The following SLC26A3 variants were observed in gnomAD, a reference collection of about 807,000 sequenced individuals.
The protein encoded by SLC26A3 is solute carrier family 26 member 3.
SLC26A3 carries 64 observed loss-of-function variants against 85.6 expected under a neutral mutation model. The ratio of observed to expected loss-of-function variants is 0.75; its 90% confidence interval spans 0.61 to 0.92. The LOEUF (loss-of-function observed/expected upper bound fraction) is 0.92. Ranked by LOEUF, SLC26A3 falls within the 40% of genes least tolerant of loss-of-function variation. SLC26A3 has a pLI of 0.00. For missense variants in SLC26A3, 922 were observed against 927.3 expected (o/e 0.99, Z 0.07); for synonymous variants, 349 against 336.0 (o/e 1.04, Z -0.42).
rs769061492 is a variant in SLC26A3 at position 107,789,533 on chromosome 7, T to C, written c.726A>G (p.Ser242=). ...LTVPSHTDPV[S]IFKVLYSVFS... ...TGAAAGAAATACTTACTTTGAAAAT[T>C]GAAACTGGATCAGTGTGTGACGGGA... is the stretch of plus-strand genomic sequence containing the variant. The change falls in exon 6 of 21, where the codon TCA becomes TCG. Residue 242 remains serine, a synonymous_variant. Coordinates refer to ENST00000340010, the MANE Select transcript of SLC26A3 (RefSeq NM_000111.3). 6.2e-7 allele frequency: 1 copy of C among 1,614,016 alleles called. No individual in the cohort carries two copies. The highest frequency in any genetic ancestry group is 8.5e-7 in the Non-Finnish European group (1 of 1,179,960).
intron 20 of SLC26A3, 91 bp downstream of exon 20, chr7:107,767,486 CTT>C (rs1793933837): frequency 1.1e-6 from 1 of 926,884 alleles, no homozygotes. Context: ...AAGTGCTGGA[CTT>C]TCTGCCACAT....
At chr7:107,794,643 T>C (rs1311011486) in intron 1 of SLC26A3, 46 bp from the exon 2 acceptor site, 6 of 946,468 alleles carry the variant, frequency 6.3e-6, no homozygotes, top group Non-Finnish European at 1.0e-5. Flanking sequence ...AGAGATAATG[T>C]GATGCAATTT....
chr7:107,802,538 C>A (rs1343377244), intron 1 of SLC26A3, among the ~76,000 whole-genome samples: 1 of 151,908 alleles, frequency 6.6e-6, no homozygotes. Flanking sequence ...CCTACCCCCT[C>A]CCTTTTTTTT....
chr7:107,776,173 A>T (rs1278658713), intron 15 of SLC26A3: 2 of 461,400 alleles, frequency 4.3e-6, no homozygotes, highest in Non-Finnish European at 3.9e-6. Context: ...AAAAGCTAGC[A>T]GCCCAAAACT....
At chr7:107,777,116 A>G (rs1194999509) in intron 13 of SLC26A3, among the ~76,000 whole-genome samples, 2 of 152,232 alleles carry the variant, frequency 1.3e-5, no homozygotes, top group Non-Finnish European at 2.9e-5. Flanking sequence ...AATGAAATAT[A>G]AATAAATGAA....
chr7:107,778,359 A>AATTTTT, intron 12 of SLC26A3, 78 bp from the exon 13 acceptor site: 104 of 452,918 alleles, frequency 2.3e-4, no homozygotes, highest in Non-Finnish European at 3.1e-4. Context: ...TTTTAAAAAG[A>AATTTTT]CTTTTTTTTT....
intron 9 of SLC26A3, 49 bp from the exon 10 acceptor site, chr7:107,783,142 A>G: frequency 6.2e-7 from 1 of 1,613,412 alleles, no homozygotes; most frequent in Non-Finnish European, 8.5e-7. Context: ...CACCATTGAT[A>G]TTATGTGTGC....
intron 16 of SLC26A3, among the ~76,000 whole-genome samples, chr7:107,774,411 G>C (rs549277667): frequency 6.6e-6 from 1 of 152,182 alleles, no homozygotes; most frequent in African/African-American, 2.4e-5. Flanking sequence ...AGTTAGCCAG[G>C]CATGGTGGCA....
At chr7:107,799,412 C>A (rs1194077803) in intron 1 of SLC26A3, among the ~76,000 whole-genome samples, 2 of 152,068 alleles carry the variant, frequency 1.3e-5, no homozygotes, top group Non-Finnish European at 2.9e-5. Context: ...GAGACAGAGT[C>A]TTGCTCTGTC....
intron 1 of SLC26A3, among the ~76,000 whole-genome samples, chr7:107,799,630 G>A (rs1394598661): frequency 6.6e-6 from 1 of 152,144 alleles, no homozygotes; most frequent in Non-Finnish European, 1.5e-5. Flanking sequence ...GGCCTCAAGT[G>A]GTCTGCCTGC....
intron 6 of SLC26A3, among the ~76,000 whole-genome samples, chr7:107,788,428 A>G (rs1220469707): frequency 6.6e-6 from 1 of 152,188 alleles, no homozygotes; most frequent in Non-Finnish European, 1.5e-5. Context: ...ATAGTGGTAA[A>G]TGTTCTTTTG....
At chr7:107,800,159 T>A (rs1358656289) in intron 1 of SLC26A3, among the ~76,000 whole-genome samples, 5 of 152,226 alleles carry the variant, frequency 3.3e-5, no homozygotes, top group Admixed American at 6.5e-5. Context: ...TCCTTTGTGT[T>A]CTTCTTCTCC....
At chr7:107,797,083 A>G (rs1452678129) in intron 1 of SLC26A3, among the ~76,000 whole-genome samples, 1 of 152,036 alleles carries the variant, frequency 6.6e-6, no homozygotes, top group East Asian at 1.9e-4. Flanking sequence ...GGGCTTTCTT[A>G]TACCTCCAGC....
In SLC26A3 at chr7:107,767,814, A is replaced by T. The variant is rs773406211; in HGVS notation, c.2157T>A (p.His719Gln). The T allele has an allele frequency of 6.2e-7, 1 of 1,613,876 alleles. No individual in the cohort carries two copies. Among genetic ancestry groups the T allele is most frequent in the African/African-American group, 1.3e-5 (1 of 75,040 alleles). ...FFLTIHDAVL[H>Q]ILMKKDYSTS... ...TACTGTAATCTTTCTTCATCAAAATATGCAAAACAGCATCATGGATTGTTA... is the reference window on the plus strand; with the variant it reads ...TACTGTAATCTTTCTTCATCAAAATTTGCAAAACAGCATCATGGATTGTTA... Residue 719 changes from histidine to glutamine, a missense_variant, in exon 19 of 21, where the codon CAT (histidine) becomes CAA (glutamine). Physicochemically the swap from His to Gln is conservative, Grantham distance 24 (BLOSUM62 0). Coordinates refer to ENST00000340010, the MANE Select transcript of SLC26A3 (RefSeq NM_000111.3).
At chr7:107,800,722 TCCAAAGTTTACATACACAGGAGAAGTGC>T (rs1347294065) in intron 1 of SLC26A3, among the ~76,000 whole-genome samples, 1 of 124,354 alleles carries the variant, frequency 8.0e-6, no homozygotes, top group African/African-American at 3.3e-5. Flanking sequence ...AGACCTAAAC[TCCAAAGTTTACATACACAGGAGAAGTGC>T]CCAAAATAAT....
chr7:107,801,233 A>T (rs2237681), intron 1 of SLC26A3, among the ~76,000 whole-genome samples: 74,617 of 152,036 alleles, frequency 0.49, 19,404 homozygotes, highest in African/African-American at 0.67. Context: ...AGCCACATCT[A>T]GTGAATAACT....
Position 107,771,540 on chromosome 7 carries a change from A to G in SLC26A3, c.2062+514T>C, listed in dbSNP as rs141983337. Among the ~76,000 whole-genome samples the G allele has an allele frequency of 2.6e-5, 4 of 152,244 alleles. No homozygotes were observed. In the East Asian group the frequency reaches 7.7e-4, roughly 29 times the overall value. Reference sequence around the variant, plus strand: ...GTTTGAGAGGTAGGAGGTGAATAAGAACTGTCCTGCCAGAGTCAGGGAGGG... The same window carrying G: ...GTTTGAGAGGTAGGAGGTGAATAAGGACTGTCCTGCCAGAGTCAGGGAGGG... On this transcript the variant is annotated intron_variant, in intron 18 of 20. Coordinates refer to ENST00000340010, the MANE Select transcript of SLC26A3 (RefSeq NM_000111.3).
chr7:107,797,848 T>A (rs1436600522), intron 1 of SLC26A3, among the ~76,000 whole-genome samples: 1 of 151,812 alleles, frequency 6.6e-6, no homozygotes, highest in East Asian at 1.9e-4. Context: ...TAAACTCTTT[T>A]TTCACCTGAA....
intron 15 of SLC26A3, 88 bp downstream of exon 15, chr7:107,776,364 C>A (rs1794114940): frequency 9.2e-7 from 1 of 1,085,012 alleles, no homozygotes; most frequent in South Asian, 1.3e-5. Context: ...TGACACAACC[C>A]AGTCTCAACA....
Sources: gnomAD v4.1 joint callset for allele counts (sites outside exome capture counted in the v4.1 genomes callset) on GRCh38, gnomAD v4.1.1 for gene constraint, MANE v1.5 for transcripts, NCBI Gene and HGNC (gene_info 2026-07-23, HGNC 2026-07-21) for gene names.